Variants in KIF1A observed in about 807,000 individuals in gnomAD.
KIF1A encodes the protein kinesin family member 1A.
A neutral mutation model predicts 227.3 loss-of-function variants in KIF1A; 46 were observed. The ratio of observed to expected loss-of-function variants is 0.20; its 90% confidence interval spans 0.16 to 0.26. The LOEUF (loss-of-function observed/expected upper bound fraction) is 0.26. Among genes scored for constraint, KIF1A ranks in the 10% least tolerant of loss-of-function variants. The probability of loss-of-function intolerance (pLI) is 1.00; values close to 1 mark genes in which losing one functional copy is unlikely to be tolerated. For missense variants in KIF1A, 1,683 were observed against 2,485.9 expected, an observed-to-expected ratio of 0.68 and a Z score of 6.87; for synonymous variants, 1,022 against 1,012.8, an observed-to-expected ratio of 1.01 and a Z score of -0.17.
At position 240,721,656 on chromosome 2, in the gene KIF1A, T is replaced by G. The variant is rs142113110; in HGVS notation, c.4743+151A>C. 6.9e-4 allele frequency: 462 copies of G among 667,060 alleles called. No homozygotes were observed. In the African/African-American group the frequency reaches 7.8e-3, roughly 11 times the overall value. 41.3% of individuals were successfully genotyped at this position (667,060 alleles called of 1,614,324 possible). A position where few individuals can be genotyped will look rare whatever the true frequency, so the allele number is the denominator to read the frequency against. On this transcript the variant is annotated intron_variant, in intron 44 of 48. Coordinates refer to ENST00000498729, the MANE Select transcript of KIF1A (RefSeq NM_001244008.2). ...AGGCCGACCCAGGGAAACCAGCCACTTAGGTATGAGGTGTCCCTCTGCACT... is the reference window on the plus strand; with the variant it reads ...AGGCCGACCCAGGGAAACCAGCCACGTAGGTATGAGGTGTCCCTCTGCACT...
rs114441760 is a variant in KIF1A at position 240,766,524 on chromosome 2, G to A, written c.1684+391C>T. ...TCATGGCTCACTGTCCTCCCGCCAT[G>A]AACATCCTCCACCCTGGGCCCCAAC... On this transcript the variant is annotated intron_variant, in intron 19 of 48. Coordinates refer to ENST00000498729, the MANE Select transcript of KIF1A (RefSeq NM_001244008.2). The surrounding 1 kb of genome is among the most constrained non-coding windows in gnomAD (Gnocchi z 5.0). Among the ~76,000 whole-genome samples, 4,675 of 152,104 alleles carry A rather than the reference G, an allele frequency of 0.031. 254 individuals carry two copies. Among genetic ancestry groups the A allele is most frequent in the African/African-American group, 0.11 (4,421 of 41,464 alleles).
At chr2:240,743,832 T>G (rs1336476262) in intron 33 of KIF1A, 110 bp downstream of exon 33, 2 of 689,460 alleles carry the variant, frequency 2.9e-6, no homozygotes, top group Non-Finnish European at 5.0e-6. Context: ...GCAGGGGAGG[T>G]GGGTTTCAGG....
intron 28 of KIF1A, among the ~76,000 whole-genome samples, chr2:240,748,916 T>C (rs2048902082): frequency 6.6e-6 from 1 of 151,396 alleles, no homozygotes; most frequent in Non-Finnish European, 1.5e-5. Flanking sequence ...AGGTCAGGAG[T>C]TCGAGAGCAG....
chr2:240,805,987 C>T (rs2057371928), intron 1 of KIF1A, among the ~76,000 whole-genome samples: 1 of 152,176 alleles, frequency 6.6e-6, no homozygotes, highest in African/African-American at 2.4e-5. Flanking sequence ...AGGGACCAGG[C>T]TTAACCTCTC....
chr2:240,714,958 C>T lies in KIF1A; in HGVS notation c.*2406G>A, dbSNP rs1194058867. 1 of 152,300 alleles carries T rather than the reference C, an allele frequency of 6.6e-6. No homozygotes were observed. Among genetic ancestry groups the T allele is most frequent in the East Asian group, 1.9e-4 (1 of 5,188 alleles). 9.4% of individuals were successfully genotyped at this position (152,300 alleles called of 1,614,324 possible). On this transcript the variant is annotated 3_prime_UTR_variant, in exon 49 of 49. Coordinates refer to ENST00000498729, the MANE Select transcript of KIF1A (RefSeq NM_001244008.2). ...TCCCAGGCACCTCCACTCAGCCCACCCACGCCGCGAGTGCTCTGCAGGTTG... is the reference window on the plus strand; with the variant it reads ...TCCCAGGCACCTCCACTCAGCCCACTCACGCCGCGAGTGCTCTGCAGGTTG...
intron 38 of KIF1A, 96 bp from the exon 39 acceptor site, chr2:240,727,036 G>C (rs1575527866): frequency 2.8e-6 from 2 of 713,936 alleles, no homozygotes. Flanking sequence ...CAGACAAGGG[G>C]CAGCCGCAAG....
chr2:240,720,852 G>A (rs773481949), intron 45 of KIF1A, 62 bp downstream of exon 45: 114 of 1,484,260 alleles, frequency 7.7e-5, no homozygotes, highest in Middle Eastern at 2.1e-4. Flanking sequence ...CCCGAGTCAC[G>A]GCCATGGTCA....
chr2:240,805,021 G>C (rs940458459), intron 1 of KIF1A, among the ~76,000 whole-genome samples: 1 of 141,110 alleles, frequency 7.1e-6, no homozygotes, highest in Non-Finnish European at 1.5e-5. Context: ...GAAAGGGAAG[G>C]GAAGGGGAGG....
At chr2:240,730,796 A>G (rs1306745667) in intron 38 of KIF1A, among the ~76,000 whole-genome samples, 2 of 152,228 alleles carry the variant, frequency 1.3e-5, no homozygotes, top group African/African-American at 2.4e-5. Context: ...TGGAGCAGAG[A>G]ACACAGGCAG....
chr2:240,803,242 G>A (rs780932626), intron 1 of KIF1A, among the ~76,000 whole-genome samples: 3 of 152,218 alleles, frequency 2.0e-5, no homozygotes, highest in African/African-American at 7.2e-5. Context: ...AAGGTCCTGC[G>A]GAAGGTAGCT....
chr2:240,798,392 G>A (rs10208508), intron 1 of KIF1A, among the ~76,000 whole-genome samples: 5,483 of 152,264 alleles, frequency 0.036, 335 homozygotes, highest in African/African-American at 0.12. Flanking sequence ...CAACGTTTTC[G>A]GCCCAATGTC....
chr2:240,783,689 G>T (rs1200258342), intron 8 of KIF1A, 50 bp downstream of exon 8: 1 of 1,452,894 alleles, frequency 6.9e-7, no homozygotes, highest in Non-Finnish European at 9.4e-7. Flanking sequence ...ACCCACTCTG[G>T]AGCAGGCCAA....
rs1434984211 is a variant in KIF1A, at chr2:240,740,664, T to C, written c.3750-300A>G. The stretch of plus-strand genomic sequence containing the variant: ...TTGTAAGTTCCCAAGGGTCCTCTGC[T>C]TCCCCTCATGCCCTGCAGATCCGCA... On this transcript the variant is annotated intron_variant, in intron 35 of 48. Coordinates refer to ENST00000498729, the MANE Select transcript of KIF1A (RefSeq NM_001244008.2). This position sits in a 1 kb window ranked among gnomAD's most constrained non-coding sequence, Gnocchi z 6.1. Among the ~76,000 whole-genome samples, 1 of 152,016 alleles carries C rather than the reference T, an allele frequency of 6.6e-6. No homozygotes were observed. Among genetic ancestry groups the C allele is most frequent in the Non-Finnish European group, 1.5e-5 (1 of 67,964 alleles).
intron 1 of KIF1A, among the ~76,000 whole-genome samples, chr2:240,798,658 C>T (rs896293854): frequency 1.3e-5 from 2 of 152,202 alleles, no homozygotes; most frequent in African/African-American, 2.4e-5. Flanking sequence ...GAAAACTCCC[C>T]GCAAAACAGT....
intron 11 of KIF1A, 130 bp from the exon 12 acceptor site, chr2:240,774,391 A>ACC (rs570956380): frequency 3.5e-3 from 918 of 265,520 alleles, no homozygotes; most frequent in Non-Finnish European, 4.2e-3. Flanking sequence ...TCACAGGCTT[A>ACC]CCCCCCCCCC....
intron 46 of KIF1A, among the ~76,000 whole-genome samples, chr2:240,719,417 A>C (rs1040622181): frequency 6.6e-6 from 1 of 152,144 alleles, no homozygotes; most frequent in African/African-American, 2.4e-5. Flanking sequence ...CCCCACCATA[A>C]AATGGAAAAA....
Position 240,766,237 on chromosome 2 carries a change from T to C in KIF1A, c.1685-444A>G, listed in dbSNP as rs1186541075. Among the ~76,000 whole-genome samples, 1 of 152,172 alleles carries C rather than the reference T, an allele frequency of 6.6e-6. No individual in the cohort carries two copies. The highest frequency in any genetic ancestry group is 1.5e-5 in the Non-Finnish European group (1 of 68,026). ...TGAGGTGGCCAAGTTGGACAGTGGG[T>C]GTCAGTCACAGGTCTGCAGGCCAGA... On this transcript the variant is annotated intron_variant, in intron 19 of 48. Coordinates refer to ENST00000498729, the MANE Select transcript of KIF1A (RefSeq NM_001244008.2). This position sits in a 1 kb window ranked among gnomAD's most constrained non-coding sequence, Gnocchi z 5.0.
chr2:240,786,591 G>C, intron 5 of KIF1A, 78 bp from the exon 6 acceptor site: 1 of 1,338,124 alleles, frequency 7.5e-7, no homozygotes, highest in Non-Finnish European at 1.0e-6. Context: ...CCTGAGTGAG[G>C]GGGTAGGGGT....
rs865912479 is a variant in KIF1A, at chr2:240,726,891, G to A, written c.4057C>T (p.Leu1353Phe). Residue 1353 changes from leucine to phenylalanine, a missense_variant, in exon 39 of 49, where the codon CTC becomes TTC. Coordinates refer to ENST00000498729, the MANE Select transcript of KIF1A (RefSeq NM_001244008.2). The surrounding 1 kb of genome is among the most constrained non-coding windows in gnomAD (Gnocchi z 5.2). ...TAAGGGGTGACCCGGTTCAGCAGGA[G>A]AGAGTTGTGCATGGAGCTGTCCCAC... ...AAWDSSMHNS[L>F]LLNRVTPYRE... The A allele has an allele frequency of 1.2e-6, 2 of 1,612,788 alleles. No homozygotes were observed. Among genetic ancestry groups the A allele is most frequent in the East Asian group, 2.2e-5 (1 of 44,882 alleles).
Sources: gnomAD v4.1 joint callset for allele counts (sites outside exome capture counted in the v4.1 genomes callset) on GRCh38, gnomAD v4.1.1 for gene constraint, Gnocchi (gnomAD v3.1) non-coding constraint, MANE v1.5 for transcripts, NCBI Gene and HGNC (gene_info 2026-07-23, HGNC 2026-07-21) for gene names.